The following NCOA1 variants were observed in gnomAD, a reference collection of about 807,000 sequenced individuals.
The protein encoded by NCOA1 is Hin-2 protein.
In NCOA1, 35 loss-of-function variants were observed where a neutral mutation model predicts 150.9. The observed-to-expected ratio is 0.23, with a 90% CI of 0.18 to 0.31. NCOA1 has a LOEUF of 0.31. NCOA1 is among the 10% of genes least tolerant of loss of function. NCOA1 has a pLI of 1.00. For missense variants in NCOA1, 1,491 were observed against 1,749.3 expected (o/e 0.85, Z 2.63); for synonymous variants, 590 against 630.0 (o/e 0.94, Z 0.95).
intron 2 of NCOA1, among the ~76,000 whole-genome samples, chr2:24,573,826 T>C (rs766159567): frequency 1.3e-5 from 2 of 150,736 alleles, no homozygotes; most frequent in African/African-American, 2.4e-5. Context: ...GGAGATCAAA[T>C]GTACAATAAG....
chr2:24,530,260 G>A (rs539383128), intron 1 of NCOA1, among the ~76,000 whole-genome samples: 3 of 152,220 alleles, frequency 2.0e-5, no homozygotes, highest in African/African-American at 7.2e-5. Flanking sequence ...AAGAATCACT[G>A]GTTTAATAGT....
chr2:24,495,115 T>A (rs1035923375), intron 1 of NCOA1, among the ~76,000 whole-genome samples: 10 of 150,382 alleles, frequency 6.6e-5, no homozygotes, highest in South Asian at 2.1e-4. Context: ...TTTTTTTTTT[T>A]AATAGCTTAG....
At chr2:24,539,450 G>A (rs1386917806) in intron 1 of NCOA1, among the ~76,000 whole-genome samples, 1 of 152,184 alleles carries the variant, frequency 6.6e-6, no homozygotes, top group Non-Finnish European at 1.5e-5. Flanking sequence ...GATATTGCGT[G>A]GGGAAAGAGC....
chr2:24,765,977 T>G (rs1665044606), intron 22 of NCOA1, among the ~76,000 whole-genome samples: 1 of 150,684 alleles, frequency 6.6e-6, no homozygotes, highest in Non-Finnish European at 1.5e-5. Context: ...CTCAGCTCAC[T>G]GCAACCTCCT....
At chr2:24,624,226 T>C (rs1478167955) in intron 3 of NCOA1, among the ~76,000 whole-genome samples, 1 of 152,196 alleles carries the variant, frequency 6.6e-6, no homozygotes, top group Non-Finnish European at 1.5e-5. Context: ...GACAATACAA[T>C]AAATATTGGT....
At chr2:24,678,331 T>A (rs541727718) in intron 7 of NCOA1, among the ~76,000 whole-genome samples, 2 of 152,326 alleles carry the variant, frequency 1.3e-5, no homozygotes, top group African/African-American at 4.8e-5. Flanking sequence ...CTATTGTGAA[T>A]AGTGCTGTGA....
chr2:24,537,943 G>A (rs953421659), intron 1 of NCOA1, among the ~76,000 whole-genome samples: 2 of 152,030 alleles, frequency 1.3e-5, no homozygotes, highest in Non-Finnish European at 2.9e-5. Flanking sequence ...TCTAAGAAGG[G>A]GACAATCCAT....
chr2:24,509,170 CT>C (rs1663825529), intron 1 of NCOA1, among the ~76,000 whole-genome samples: 1 of 152,166 alleles, frequency 6.6e-6, no homozygotes, highest in Non-Finnish European at 1.5e-5. Flanking sequence ...GTGCTAAGTG[CT>C]TTATATACAT....
intron 3 of NCOA1, among the ~76,000 whole-genome samples, chr2:24,613,178 A>G (rs981277794): frequency 5.3e-5 from 8 of 151,720 alleles, no homozygotes; most frequent in African/African-American, 1.7e-4. Context: ...TCTATAGCCT[A>G]TGTACTTCTT....
chr2:24,538,683 G>GTTTCCATGACTAAC, intron 1 of NCOA1, among the ~76,000 whole-genome samples: 1 of 152,208 alleles, frequency 6.6e-6, no homozygotes, highest in Non-Finnish European at 1.5e-5. Flanking sequence ...GACTTTCCAA[G>GTTTCCATGACTAAC]ACCAGTTCAT....
chr2:24,582,947 C>T (rs1209681208), intron 2 of NCOA1, among the ~76,000 whole-genome samples: 2 of 152,136 alleles, frequency 1.3e-5, no homozygotes, highest in African/African-American at 2.4e-5. Flanking sequence ...CAAAAATCAA[C>T]TCCAAATGGT....
intron 20 of NCOA1, among the ~76,000 whole-genome samples, chr2:24,757,251 G>A (rs535601699): frequency 6.6e-6 from 1 of 152,252 alleles, no homozygotes; most frequent in Admixed American, 6.5e-5. Flanking sequence ...TTGCCAGTGA[G>A]TCCCAGGGTA....
intron 14 of NCOA1, among the ~76,000 whole-genome samples, chr2:24,716,982 C>T (rs1674078856): frequency 1.3e-5 from 2 of 152,098 alleles, no homozygotes; most frequent in Non-Finnish European, 2.9e-5. Context: ...AAACAAGCAA[C>T]TCAATTTAAA....
chr2:24,607,962 G>A (rs1045585953), intron 3 of NCOA1, among the ~76,000 whole-genome samples: 1 of 151,920 alleles, frequency 6.6e-6, no homozygotes, highest in South Asian at 2.1e-4. Flanking sequence ...TTTAAGGCTG[G>A]ACAATCTTAT....
At chr2:24,528,616 G>A (rs965330858) in intron 1 of NCOA1, among the ~76,000 whole-genome samples, 1 of 151,882 alleles carries the variant, frequency 6.6e-6, no homozygotes, top group African/African-American at 2.4e-5. Context: ...CCAAAGTGCT[G>A]GGATTACAGG....
At chr2:24,530,853 G>C (rs1664853230) in intron 1 of NCOA1, among the ~76,000 whole-genome samples, 1 of 152,172 alleles carries the variant, frequency 6.6e-6, no homozygotes, top group Admixed American at 6.5e-5. Context: ...TTTAAAGGGG[G>C]TTGATTACTA....
In NCOA1 at chr2:24,536,534, T is replaced by C. The variant is rs549509358; in HGVS notation, c.-395-27761T>C. Among the ~76,000 whole-genome samples the C allele has an allele frequency of 5.9e-5, 9 of 152,260 alleles. No homozygotes were observed. In the South Asian group the frequency reaches 1.9e-3, roughly 32 times the overall value. ...CAATTCTTTGGAGAAGAAGAGTCGC[T>C]CTGGTTTTTAGAAACCAGCTTTTCT... is the stretch of plus-strand genomic sequence containing the variant. On this transcript the variant is annotated intron_variant, in intron 1 of 22. Transcript: ENST00000348332.
intron 14 of NCOA1, 107 bp downstream of exon 14, chr2:24,711,218 C>A: frequency 4.6e-6 from 5 of 1,079,522 alleles, no homozygotes; most frequent in Non-Finnish European, 6.4e-6. Context: ...AGTGAAATAT[C>A]TTTTTATTAA....
At chr2:24,547,853 G>A (rs916996666) in intron 1 of NCOA1, among the ~76,000 whole-genome samples, 4 of 151,940 alleles carry the variant, frequency 2.6e-5, no homozygotes, top group African/African-American at 9.7e-5. Context: ...GCCAAGCCTG[G>A]TGGCGGGCAC....
Sources: allele counts gnomAD v4.1 joint callset (sites outside exome capture counted in the v4.1 genomes callset), GRCh38; gene constraint gnomAD v4.1.1; transcripts MANE v1.5; gene names NCBI Gene and HGNC (gene_info 2026-07-23, HGNC 2026-07-21).